DGKI: variants seen among roughly 807,000 people sequenced by gnomAD.
The protein encoded by DGKI is DAG kinase iota.
In DGKI, 55 loss-of-function variants were observed where a neutral mutation model predicts 147.5. That is an observed-to-expected ratio of 0.37 (90% confidence interval 0.30 to 0.47). The LOEUF (loss-of-function observed/expected upper bound fraction) is 0.47. Ranked by LOEUF, DGKI falls within the 20% of genes least tolerant of loss-of-function variation. The pLI is 1.00. For missense variants in DGKI, 1,007 were observed against 1,323.8 expected (o/e 0.76, Z 3.71); for synonymous variants, 469 against 477.1 (o/e 0.98, Z 0.22).
chr7:137,554,405 C>T (rs1818150926), intron 19 of DGKI, among the ~76,000 whole-genome samples: 1 of 152,150 alleles, frequency 6.6e-6, no homozygotes, highest in Non-Finnish European at 1.5e-5. Flanking sequence ...GTGACAGTCG[C>T]TGTCTATTTA....
At chr7:137,448,977 T>C (rs1813841668) in intron 27 of DGKI, among the ~76,000 whole-genome samples, 1 of 152,060 alleles carries the variant, frequency 6.6e-6, no homozygotes, top group Non-Finnish European at 1.5e-5. Context: ...GAAACATTGA[T>C]GAAAGAAATT....
intron 21 of DGKI, among the ~76,000 whole-genome samples, chr7:137,519,096 T>C (rs1420574102): frequency 2.0e-5 from 3 of 152,074 alleles, no homozygotes; most frequent in East Asian, 1.9e-4. Context: ...CAGCAAGAGC[T>C]GAGGGAAAGA....
At chr7:137,589,851 C>G (rs1819545320) in intron 12 of DGKI, among the ~76,000 whole-genome samples, 1 of 152,102 alleles carries the variant, frequency 6.6e-6, no homozygotes, top group Non-Finnish European at 1.5e-5. Context: ...ATCATTCAAC[C>G]TCTCCTTTAT....
chr7:137,706,824 G>A (rs546827179), intron 1 of DGKI, among the ~76,000 whole-genome samples: 5 of 151,796 alleles, frequency 3.3e-5, no homozygotes, highest in Admixed American at 1.3e-4. Flanking sequence ...CACCCACCTC[G>A]GCCTCCCATA....
At position 137,638,476 on chromosome 7, in the gene DGKI, G is replaced by GTATATATATATACACACATATATA. The variant is rs1406683084; in HGVS notation, c.804+6995_804+6996insTATATATGTGTGTATATATATATA. On this transcript the variant is annotated intron_variant, in intron 6 of 32. Transcript: ENST00000614521. The stretch of plus-strand genomic sequence containing the variant: ...CACATATATATGTGTGTATATATGT[G>GTATATATATATACACACATATATA]TGTATATATATACACACATATATAT... Among the ~76,000 whole-genome samples, 95 of 109,274 alleles carry GTATATATATATACACACATATATA rather than the reference G, an allele frequency of 8.7e-4. 9 individuals carry two copies. The highest frequency in any genetic ancestry group is 4.1e-3 in the African/African-American group (87 of 21,202). 71.7% of individuals were successfully genotyped at this position (109,274 alleles called of 152,430 possible).
intron 3 of DGKI, among the ~76,000 whole-genome samples, chr7:137,674,553 T>C (rs1221695897): frequency 2.6e-5 from 4 of 152,198 alleles, no homozygotes; most frequent in Non-Finnish European, 5.9e-5. Flanking sequence ...ATGTATTCTA[T>C]AGTCATGCTT....
At chr7:137,414,961 T>C (rs368975796) in intron 28 of DGKI, among the ~76,000 whole-genome samples, 1 of 152,204 alleles carries the variant, frequency 6.6e-6, no homozygotes, top group Non-Finnish European at 1.5e-5. Flanking sequence ...GTATGTTATA[T>C]AAACAGAAGG....
chr7:137,748,479 G>A (rs986957971), intron 1 of DGKI, among the ~76,000 whole-genome samples: 2 of 151,952 alleles, frequency 1.3e-5, no homozygotes, highest in Admixed American at 6.6e-5. Flanking sequence ...TGAAGGAAAC[G>A]CACAAAATAT....
At chr7:137,610,057 G>GT (rs889246674) in intron 8 of DGKI, among the ~76,000 whole-genome samples, 32 of 147,712 alleles carry the variant, frequency 2.2e-4, no homozygotes, top group Middle Eastern at 3.5e-3. Flanking sequence ...TTTCTTTTTT[G>GT]TTTTTTTTTT....
At chr7:137,506,013 T>C (rs766755181) in intron 21 of DGKI, among the ~76,000 whole-genome samples, 4 of 152,112 alleles carry the variant, frequency 2.6e-5, no homozygotes, top group Non-Finnish European at 4.4e-5. Flanking sequence ...CTGGTGGAAA[T>C]AGAAAACAGC....
At chr7:137,687,849 AC>A (rs1284476714) in intron 2 of DGKI, among the ~76,000 whole-genome samples, 3 of 152,174 alleles carry the variant, frequency 2.0e-5, no homozygotes, top group African/African-American at 7.2e-5. Context: ...CATACTTTCA[AC>A]AGACCTCCAA....
intron 1 of DGKI, among the ~76,000 whole-genome samples, chr7:137,740,955 G>A (rs1795156236): frequency 6.6e-6 from 1 of 152,140 alleles, no homozygotes; most frequent in East Asian, 1.9e-4. Flanking sequence ...CTAGGTAAAT[G>A]AGCTCACCTC....
intron 12 of DGKI, among the ~76,000 whole-genome samples, chr7:137,588,297 A>G (rs1819479586): frequency 6.6e-6 from 1 of 152,102 alleles, no homozygotes; most frequent in Non-Finnish European, 1.5e-5. Flanking sequence ...TTCATTCTAT[A>G]TTTGTACGAG....
rs555350200 is a variant in DGKI at position 137,803,910 on chromosome 7, G to A, written c.401+42552C>T. On this transcript the variant is annotated intron_variant, in intron 1 of 32. Transcript: ENST00000614521. ...TCACTATATCATCTTAGATTCGTGA[G>A]GTAAATAGTCCGGGCATGCGTTTTT... 5.9e-5 allele frequency among the ~76,000 whole-genome samples: 9 copies of A among 152,286 alleles called. No individual in the cohort carries two copies. In the South Asian group the frequency reaches 1.7e-3, roughly 28 times the overall value.
chr7:137,575,616 G>A (rs1818944709), intron 17 of DGKI, among the ~76,000 whole-genome samples: 3 of 152,196 alleles, frequency 2.0e-5, no homozygotes, highest in South Asian at 4.1e-4. Context: ...AGAAACAGGG[G>A]AAGTTTAATG....
chr7:137,450,675 T>C (rs1403460070), intron 27 of DGKI, among the ~76,000 whole-genome samples: 7 of 152,126 alleles, frequency 4.6e-5, no homozygotes, highest in Non-Finnish European at 4.4e-5. Flanking sequence ...TGAGCCAAGA[T>C]TGCACCGTTG....
chr7:137,826,106 G>C (rs116514686), intron 1 of DGKI, among the ~76,000 whole-genome samples: 1,695 of 152,272 alleles, frequency 0.011, 35 homozygotes, highest in African/African-American at 0.039. Flanking sequence ...ATGTGGGCCT[G>C]TGGGTCCAAG....
At chr7:137,622,896 T>C (rs1250216004) in intron 7 of DGKI, among the ~76,000 whole-genome samples, 1 of 152,204 alleles carries the variant, frequency 6.6e-6, no homozygotes, top group East Asian at 1.9e-4. Context: ...CAGATCCTAA[T>C]GAGTATATAT....
At chr7:137,498,492 A>G (rs1040579240) in intron 21 of DGKI, among the ~76,000 whole-genome samples, 2 of 152,162 alleles carry the variant, frequency 1.3e-5, no homozygotes, top group Non-Finnish European at 2.9e-5. Flanking sequence ...CTTGTTTTGA[A>G]ATTGAAGAGT....
Sources: gnomAD v4.1 joint callset for allele counts (sites outside exome capture counted in the v4.1 genomes callset) on GRCh38, gnomAD v4.1.1 for gene constraint, MANE v1.5 for transcripts, NCBI Gene and HGNC (gene_info 2026-07-23, HGNC 2026-07-21) for gene names.